The following CNTN6 variants were observed in gnomAD, a reference collection of about 807,000 sequenced individuals.
The protein encoded by CNTN6 is contactin 6.
In CNTN6, 137 loss-of-function variants were observed where a neutral mutation model predicts 122.8. The observed-to-expected ratio is 1.12, with a 90% CI of 0.97 to 1.29. The LOEUF is 1.29. CNTN6 is among the 50% of genes most tolerant of loss of function. The pLI is 0.00. For missense variants in CNTN6, 1,634 were observed against 1,223.4 expected (o/e 1.34, Z -5.01); for synonymous variants, 570 against 426.0 (o/e 1.34, Z -4.16).
chr3:1,395,542 A>G (rs1407652216), intron 20 of CNTN6, among the ~76,000 whole-genome samples: 1 of 151,998 alleles, frequency 6.6e-6, no homozygotes, highest in Admixed American at 6.6e-5. Flanking sequence ...TGCTTCTGTC[A>G]TCACAACTCC....
chr3:1,395,798 G>T (rs1490370802), intron 20 of CNTN6, among the ~76,000 whole-genome samples: 1 of 152,106 alleles, frequency 6.6e-6, no homozygotes, highest in Non-Finnish European at 1.5e-5. Context: ...CCCCAGCCCT[G>T]TATTAACTTT....
intron 7 of CNTN6, among the ~76,000 whole-genome samples, chr3:1,305,807 AT>A (rs200189984): frequency 4.6e-5 from 7 of 151,266 alleles, no homozygotes; most frequent in Non-Finnish European, 7.4e-5. Context: ...TGTATAACTT[AT>A]TTTTTTTTCT....
At chr3:1,164,687 T>G (rs1477760042) in intron 2 of CNTN6, among the ~76,000 whole-genome samples, 1 of 152,190 alleles carries the variant, frequency 6.6e-6, no homozygotes, top group Non-Finnish European at 1.5e-5. Flanking sequence ...CAACTTGGCA[T>G]AGGTATTTTT....
Position 1,295,758 on chromosome 3 carries a change from G to A in CNTN6, c.612G>A (p.Gln204=), listed in dbSNP as rs1265382500. The A allele has an allele frequency of 6.2e-7, 1 of 1,614,050 alleles. No homozygotes were observed. Among genetic ancestry groups the A allele is most frequent in the South Asian group, 1.1e-5 (1 of 91,078 alleles). ...YTCFITNKEA[Q]RSVQGPPTPL... is the part of the protein sequence containing the mutation. ...GCTTTATAACTAACAAAGAGGCCCA[G>A]AGAAGTGTTCAAGGTCCACCCACTC... is the stretch of plus-strand genomic sequence containing the variant. The change falls in exon 6 of 23, where the codon CAG becomes CAA. Residue 204 remains glutamine, a synonymous_variant. Coordinates refer to ENST00000446702, the MANE Select transcript of CNTN6 (RefSeq NM_001289080.2).
At chr3:1,344,674 T>A (rs1327877048) in intron 11 of CNTN6, among the ~76,000 whole-genome samples, 1 of 152,218 alleles carries the variant, frequency 6.6e-6, no homozygotes, top group Non-Finnish European at 1.5e-5. Flanking sequence ...AAACATTTGT[T>A]TCCTCTTTGG....
chr3:1,153,557 T>C (rs951980711), intron 2 of CNTN6, among the ~76,000 whole-genome samples: 1 of 152,232 alleles, frequency 6.6e-6, no homozygotes, highest in African/African-American at 2.4e-5. Context: ...TATTTTTACA[T>C]AGCTTACTTC....
chr3:1,269,224 A>T (rs1309403796), intron 4 of CNTN6, among the ~76,000 whole-genome samples: 1 of 152,166 alleles, frequency 6.6e-6, no homozygotes, highest in Non-Finnish European at 1.5e-5. Context: ...ATCTGCCCTA[A>T]ATCAATAGCT....
intron 20 of CNTN6, among the ~76,000 whole-genome samples, chr3:1,393,775 G>T (rs1694593852): frequency 6.6e-6 from 1 of 151,938 alleles, no homozygotes; most frequent in Non-Finnish European, 1.5e-5. Flanking sequence ...ATTGAAACTT[G>T]AACACTGAAC....
chr3:1,285,855 T>C (rs1375446930), intron 5 of CNTN6, among the ~76,000 whole-genome samples: 1 of 152,204 alleles, frequency 6.6e-6, no homozygotes, highest in Non-Finnish European at 1.5e-5. Context: ...TTCTTTACTC[T>C]ACTGGAGACT....
intron 1 of CNTN6, among the ~76,000 whole-genome samples, chr3:1,093,997 T>C (rs745808657): frequency 2.6e-5 from 4 of 152,168 alleles, no homozygotes; most frequent in Non-Finnish European, 4.4e-5. Flanking sequence ...AATGACTAAA[T>C]AGAAGTTATA....
At chr3:1,143,836 A>C (rs2092667357) in intron 1 of CNTN6, among the ~76,000 whole-genome samples, 1 of 152,200 alleles carries the variant, frequency 6.6e-6, no homozygotes, top group South Asian at 2.1e-4. Context: ...GAAATTATAC[A>C]CTGGATGGAA....
chr3:1,200,211 G>A (rs180953617), intron 2 of CNTN6, among the ~76,000 whole-genome samples: 5 of 152,178 alleles, frequency 3.3e-5, no homozygotes, highest in South Asian at 2.1e-4. Context: ...TTTTTGTACC[G>A]TTAGTAGAGA....
chr3:1,222,088 T>C (rs3796177), intron 3 of CNTN6, among the ~76,000 whole-genome samples: 39,580 of 152,024 alleles, frequency 0.26, 5,851 homozygotes, highest in African/African-American at 0.39. Context: ...CTAACTTCAG[T>C]GTCTTCTTTT....
chr3:1,395,553 TCTAA>T (rs559953955), intron 20 of CNTN6, among the ~76,000 whole-genome samples: 179 of 152,136 alleles, frequency 1.2e-3, no homozygotes, highest in Non-Finnish European at 7.4e-4. Context: ...TCACAACTCC[TCTAA>T]CTCTCACTTT....
chr3:1,403,192 G>A, intron 22 of CNTN6, 126 bp from the exon 23 acceptor site: 2 of 581,642 alleles, frequency 3.4e-6, no homozygotes, highest in Non-Finnish European at 6.0e-6. Context: ...TAATGTGAAT[G>A]AGACAAGTAT....
At position 1,370,931 on chromosome 3, in the gene CNTN6, CAT is replaced by C. The variant is rs567597143; in HGVS notation, c.1493-1365_1493-1364del. 4.4e-3 allele frequency among the ~76,000 whole-genome samples: 666 copies of C among 152,072 alleles called. 7 individuals are homozygous for C. The highest frequency in any genetic ancestry group is 0.019 in the South Asian group (91 of 4,816). ...TATTTTAAATAATAAAAAATGAAGA[CAT>C]ATTTGATACAGAATGAGTTTGATTT... On this transcript the variant is annotated intron_variant, in intron 12 of 22. Transcript: ENST00000446702.
In CNTN6 at chr3:1,272,842, C is replaced by T. The variant is rs76489782; in HGVS notation, c.359-5571C>T. Among the ~76,000 whole-genome samples, 182 of 152,284 alleles carry T rather than the reference C, an allele frequency of 1.2e-3. No homozygotes were observed. The East Asian group carries it at 0.017, about 14-fold the overall frequency. ...AATTAGGCTGAGATTCATTCCTACACGTGGCAGCTGCAAAGATATATTCTC... is the reference window on the plus strand; with the variant it reads ...AATTAGGCTGAGATTCATTCCTACATGTGGCAGCTGCAAAGATATATTCTC... On this transcript the variant is annotated intron_variant, in intron 4 of 22. Coordinates refer to ENST00000446702, the MANE Select transcript of CNTN6 (RefSeq NM_001289080.2).
chr3:1,242,802 G>C lies in CNTN6; in HGVS notation c.358+14809G>C, dbSNP rs542414723. Among the ~76,000 whole-genome samples the C allele has an allele frequency of 2.0e-5, 3 of 152,124 alleles. No homozygotes were observed. In the East Asian group the frequency reaches 5.8e-4, roughly 29 times the overall value. ...CCTAATAAGGGAACTGGGCAGGTGG[G>C]GATAACTAAAAAAGAGTCCATAAAA... On this transcript the variant is annotated intron_variant, in intron 4 of 22. Coordinates refer to ENST00000446702, the MANE Select transcript of CNTN6 (RefSeq NM_001289080.2).
intron 5 of CNTN6, among the ~76,000 whole-genome samples, chr3:1,294,923 A>G (rs924467177): frequency 1.3e-5 from 2 of 152,106 alleles, no homozygotes; most frequent in African/African-American, 4.8e-5. Flanking sequence ...GTTTTACACT[A>G]AGACCTAAAA....
Sources: allele counts gnomAD v4.1 joint callset (sites outside exome capture counted in the v4.1 genomes callset), GRCh38; gene constraint gnomAD v4.1.1; transcripts MANE v1.5; gene names NCBI Gene and HGNC (gene_info 2026-07-23, HGNC 2026-07-21).